Variants in GRK7 observed in about 807,000 individuals in gnomAD.
GRK7 encodes G protein-coupled receptor kinase 7.
Under a neutral mutation model 34.1 loss-of-function variants are expected in GRK7, and 24 were observed. That is an observed-to-expected ratio of 0.70 (90% CI 0.51 to 0.99). The LOEUF is 0.99. GRK7 is among the 50% of genes least tolerant of loss of function. The pLI, the probability that GRK7 is intolerant of heterozygous loss-of-function variation, is 0.00. For synonymous variants in GRK7, 256 were observed against 279.4 expected (o/e 0.92, Z 0.84); for missense variants, 644 against 707.3 (o/e 0.91, Z 1.02).
At chr3:141,804,798 TAC>T (rs1471500535) in intron 4 of GRK7, among the ~76,000 whole-genome samples, 5 of 144,970 alleles carry the variant, frequency 3.4e-5, no homozygotes, top group Admixed American at 6.8e-5. Context: ...CACGCACACA[TAC>T]ACACATGCAC....
At chr3:141,760,190 C>A (rs1323080229), upstream of GRK7, among the ~76,000 whole-genome samples, 1 of 149,356 alleles carries the variant, frequency 6.7e-6, no homozygotes, top group East Asian at 2.0e-4. Context: ...TTTTCTAGTT[C>A]TTTTAATTGT....
intron 4 of GRK7, among the ~76,000 whole-genome samples, chr3:141,788,861 T>C (rs1284455910): frequency 2.0e-5 from 3 of 152,194 alleles, no homozygotes; most frequent in African/African-American, 4.8e-5. Flanking sequence ...TGAAACAAAG[T>C]CTCATTCTGT....
At chr3:141,779,273 C>T (rs1053117026) in intron 3 of GRK7, among the ~76,000 whole-genome samples, 12 of 151,948 alleles carry the variant, frequency 7.9e-5, no homozygotes, top group Admixed American at 3.9e-4. Flanking sequence ...CTCTAACTAG[C>T]TGGGTGTGGT....
At chr3:141,771,916 C>G (rs1402324288) in intron 1 of GRK7, among the ~76,000 whole-genome samples, 1 of 151,566 alleles carries the variant, frequency 6.6e-6, no homozygotes, top group African/African-American at 2.4e-5. Context: ...AACTCCTGAC[C>G]TCAGGTGATC....
intron 5 of GRK7, among the ~76,000 whole-genome samples, chr3:141,809,714 T>C (rs563192749): frequency 8.6e-5 from 13 of 151,904 alleles, no homozygotes; most frequent in African/African-American, 2.7e-4. Context: ...AAAGATACTA[T>C]AGAAGAAAAA....
upstream of GRK7, among the ~76,000 whole-genome samples, chr3:141,760,232 G>A (rs1353585521): frequency 1.7e-3 from 224 of 134,440 alleles, no homozygotes; most frequent in Middle Eastern, 7.6e-3. Flanking sequence ...GATCTTTCCT[G>A]CTTTCTCTTG....
the GRK7 span, among the ~76,000 whole-genome samples, chr3:141,751,245 C>A: frequency 2.0e-5 from 3 of 152,292 alleles, no homozygotes; most frequent in South Asian, 6.2e-4. Flanking sequence ...AAATTAACCT[C>A]TGCCATACTA....
chr3:141,817,003 T>C lies in GRK7; in HGVS notation c.1615T>C (p.Cys539Arg), dbSNP rs372845900. 1.9e-6 allele frequency: 3 copies of C among 1,612,530 alleles called. No individual in the cohort carries two copies. The highest frequency in any genetic ancestry group is 2.5e-6 in the Non-Finnish European group (3 of 1,179,716). The change falls in exon 6 of 6, where the codon TGT becomes CGT. Residue 539 changes from cysteine (C) to arginine (R), a missense_variant. By Grantham distance (180) the Cys-to-Arg change is radical. Coordinates refer to ENST00000682958, the MANE Select transcript of GRK7 (RefSeq NM_139209.3). The part of the protein sequence containing the change: ...ELNDPNRPTG[C>R]EEGNSSKSGV... ...GAATGACCCCAACAGACCTACGGGT[T>C]GTGAGGAGGGTAATTCATCCAAGTC...
intron 4 of GRK7, among the ~76,000 whole-genome samples, chr3:141,805,861 C>T (rs531945858): frequency 1.2e-4 from 19 of 152,298 alleles, no homozygotes; most frequent in Non-Finnish European, 2.2e-4. Flanking sequence ...TGCTGTGGCT[C>T]GTCTATCGCA....
intron 4 of GRK7, among the ~76,000 whole-genome samples, chr3:141,804,524 T>C (rs532473293): frequency 1.3e-5 from 2 of 152,002 alleles, no homozygotes; most frequent in South Asian, 4.2e-4. Context: ...TTCAGTGAAG[T>C]ATTCTCAACA....
At chr3:141,771,214 C>CGTGTGTGT (rs67606208) in intron 1 of GRK7, among the ~76,000 whole-genome samples, 2 of 150,120 alleles carry the variant, frequency 1.3e-5, no homozygotes, top group African/African-American at 4.9e-5. Context: ...TGTGTGTGCA[C>CGTGTGTGT]GTGTGTGTGT....
chr3:141,763,421 C>G lies in GRK7; in HGVS notation c.-2532C>G, dbSNP rs1264454835. 6.6e-6 allele frequency among the ~76,000 whole-genome samples: 1 copy of G among 152,196 alleles called. No individual in the cohort carries two copies. The highest frequency in any genetic ancestry group is 6.5e-5 in the Admixed American group (1 of 15,280). On this transcript the variant is annotated 5_prime_UTR_variant, in exon 1 of 6. Coordinates refer to ENST00000682958, the MANE Select transcript of GRK7 (RefSeq NM_139209.3). ...TTCTTGCTGTAGCTTCCACCCTTAGCTCTCAAACCCACTAACTAACCCAGC... is the reference window on the plus strand; with the variant it reads ...TTCTTGCTGTAGCTTCCACCCTTAGGTCTCAAACCCACTAACTAACCCAGC...
At chr3:141,751,456 G>A in the GRK7 span, among the ~76,000 whole-genome samples, 1 of 152,290 alleles carries the variant, frequency 6.6e-6, no homozygotes, top group Admixed American at 6.5e-5. Flanking sequence ...AAAGTTTAAA[G>A]TGTTGAACCT....
intron 1 of GRK7, among the ~76,000 whole-genome samples, chr3:141,769,150 C>T (rs916379507): frequency 6.6e-6 from 1 of 152,156 alleles, no homozygotes; most frequent in Non-Finnish European, 1.5e-5. Context: ...GGACATCTCC[C>T]AGGCACCCCA....
the GRK7 span, among the ~76,000 whole-genome samples, chr3:141,755,803 C>G: frequency 6.6e-6 from 1 of 152,072 alleles, no homozygotes; most frequent in Non-Finnish European, 1.5e-5. Context: ...TATATACTTA[C>G]CCTATGATCT....
In GRK7 at chr3:141,780,638, G is replaced by C; in HGVS notation, c.877G>C (p.Val293Leu). 6.2e-7 allele frequency: 1 copy of C among 1,614,232 alleles called. No homozygotes were observed. The highest frequency in any genetic ancestry group is 1.3e-5 in the African/African-American group (1 of 75,052). The change falls in exon 4 of 6, where the codon GTG (valine) becomes CTG (leucine). Residue 293 changes from valine (V) to leucine (L), a missense_variant. By Grantham distance (32) the Val-to-Leu change is conservative. Coordinates refer to ENST00000682958, the MANE Select transcript of GRK7 (RefSeq NM_139209.3). Reference protein sequence around the residue: ...VGTRGLDMSRVIFYSAQIACG... With the variant: ...VGTRGLDMSRLIFYSAQIACG... Reference sequence around the variant, plus strand: ...CACGCGTGGCCTGGACATGAGCCGGGTGATCTTTTACTCGGCCCAGATAGC... The same window carrying C: ...CACGCGTGGCCTGGACATGAGCCGGCTGATCTTTTACTCGGCCCAGATAGC...
At position 141,780,638 on chromosome 3, in the gene GRK7, G is replaced by T; in HGVS notation, c.877G>T (p.Val293Leu). 6.2e-7 allele frequency: 1 copy of T among 1,614,232 alleles called. No individual in the cohort carries two copies. Residue 293 changes from valine to leucine, a missense_variant, in exon 4 of 6, where the codon GTG (valine) becomes TTG (leucine). Physicochemically the swap from Val to Leu is conservative, Grantham distance 32. Coordinates refer to ENST00000682958, the MANE Select transcript of GRK7 (RefSeq NM_139209.3). ...CACGCGTGGCCTGGACATGAGCCGG[G>T]TGATCTTTTACTCGGCCCAGATAGC... ...VGTRGLDMSR[V>L]IFYSAQIACG...
chr3:141,805,089 CACAT>C (rs1427822761), intron 4 of GRK7, among the ~76,000 whole-genome samples: 7 of 150,532 alleles, frequency 4.7e-5, no homozygotes, highest in Non-Finnish European at 7.4e-5. Context: ...CACATACACT[CACAT>C]ACACACACAA....
chr3:141,818,169 A>T lies in GRK7; in HGVS notation c.*1119A>T. ...TCTTGGCTATTTCAAGTCCTGAAGG[A>T]GACCTATGGGCTTAGAAATTGAGTT... is the stretch of plus-strand genomic sequence containing the variant. On this transcript the variant is annotated 3_prime_UTR_variant, in exon 6 of 6. Transcript: ENST00000682958. The T allele has an allele frequency of 6.6e-6, 1 of 152,184 alleles. No individual in the cohort carries two copies. The highest frequency in any genetic ancestry group is 1.9e-4 in the East Asian group (1 of 5,198). 9.4% of individuals were successfully genotyped at this position (152,184 alleles called of 1,614,324 possible).
Sources: allele counts gnomAD v4.1 joint callset (sites outside exome capture counted in the v4.1 genomes callset), GRCh38; gene constraint gnomAD v4.1.1; transcripts MANE v1.5; gene names NCBI Gene and HGNC (gene_info 2026-07-23, HGNC 2026-07-21).